The following NOS1AP variants were observed in gnomAD, a reference collection of about 807,000 sequenced individuals.
NOS1AP encodes carboxyl-terminal PDZ ligand of neuronal nitric oxide synthase protein.
Under a neutral mutation model 56.2 loss-of-function variants are expected in NOS1AP, and 21 were observed. The observed-to-expected ratio is 0.37, with a 90% confidence interval of 0.26 to 0.54. NOS1AP has a LOEUF of 0.54. Ranked by LOEUF, NOS1AP falls within the 20% of genes least tolerant of loss-of-function variation. NOS1AP has a pLI of 0.84. For synonymous variants in NOS1AP, 270 were observed against 274.6 expected (o/e 0.98, Z 0.17); for missense variants, 522 against 657.8 (o/e 0.79, Z 2.26).
chr1:162,367,338 G>C lies in NOS1AP; in HGVS notation c.1392G>C (p.Ser464=). The C allele has an allele frequency of 6.2e-7, 1 of 1,613,068 alleles. No individual in the cohort carries two copies. Among genetic ancestry groups the C allele is most frequent in the Non-Finnish European group, 8.5e-7 (1 of 1,179,870 alleles). Residue 464 remains serine, a synonymous_variant, in exon 10 of 10, where the codon TCG becomes TCC. Coordinates refer to ENST00000361897, the MANE Select transcript of NOS1AP (RefSeq NM_014697.3). The surrounding 1 kb of genome is among the most constrained non-coding windows in gnomAD (Gnocchi z 6.5). ...LIKFRESGIA[S]EYESNTDESE... ...AGTTCCGAGAGTCAGGCATCGCCTC[G>C]GAGTACGAGTCCAACACGGACGAGA...
Position 162,154,431 on chromosome 1 carries a change from G to T in NOS1AP, c.132G>T (p.Arg44Ser). The change falls in exon 2 of 10, where the codon AGG becomes AGT. Residue 44 changes from arginine to serine, a missense_variant. Physicochemically the swap from Arg to Ser is moderately radical, Grantham distance 110. Transcript: ENST00000361897. ...AKYVGSLDVPRPNSRVEIVAA... is the reference protein window; with the variant it reads ...AKYVGSLDVPSPNSRVEIVAA... Reference sequence around the variant, plus strand: ...ACGTAGGAAGCCTGGACGTGCCAAGGCCCAACAGCAGGGTGGAGATCGTGG... The same window carrying T: ...ACGTAGGAAGCCTGGACGTGCCAAGTCCCAACAGCAGGGTGGAGATCGTGG... The T allele has an allele frequency of 1.2e-6, 2 of 1,614,112 alleles. No individual in the cohort carries two copies. Among genetic ancestry groups the T allele is most frequent in the Non-Finnish European group, 1.7e-6 (2 of 1,180,000 alleles).
In NOS1AP at chr1:162,318,230, T is replaced by TA. The variant is rs1656293365; in HGVS notation, c.345-14787_345-14786insA. ...GTTTTGCCATCCTAAAAAGAAAAGATGACCCTCAAACCCACCATCCTGTCT... is the reference window on the plus strand; with the variant it reads ...GTTTTGCCATCCTAAAAAGAAAAGATAGACCCTCAAACCCACCATCCTGTCT... On this transcript the variant is annotated intron_variant, in intron 4 of 9. Transcript: ENST00000361897. 1.3e-4 allele frequency among the ~76,000 whole-genome samples: 20 copies of TA among 152,346 alleles called. 2 individuals are homozygous for TA. The South Asian group carries it at 2.1e-3, about 16-fold the overall frequency.
intron 4 of NOS1AP, among the ~76,000 whole-genome samples, chr1:162,322,782 T>C (rs1222583834): frequency 6.6e-6 from 1 of 152,112 alleles, no homozygotes; most frequent in Non-Finnish European, 1.5e-5. Flanking sequence ...ATAAGAGGAA[T>C]AAAAAAATCC....
intron 2 of NOS1AP, among the ~76,000 whole-genome samples, chr1:162,200,631 G>A (rs549920822): frequency 1.2e-4 from 18 of 152,340 alleles, no homozygotes; most frequent in African/African-American, 3.6e-4. Flanking sequence ...TAGGTTCAGA[G>A]TGATATCACC....
chr1:162,137,903 G>T (rs1649070918), intron 1 of NOS1AP, among the ~76,000 whole-genome samples: 1 of 152,106 alleles, frequency 6.6e-6, no homozygotes, highest in Non-Finnish European at 1.5e-5. Context: ...AGCAAGCGGT[G>T]ATTGGCTTGG....
At chr1:162,087,296 A>G (rs988039376) in intron 1 of NOS1AP, among the ~76,000 whole-genome samples, 1 of 152,138 alleles carries the variant, frequency 6.6e-6, no homozygotes, top group African/African-American at 2.4e-5. Context: ...TGTCTGAAGC[A>G]TACACTTGAG....
intron 5 of NOS1AP, chr1:162,338,591 G>A (rs1657011061): frequency 6.6e-6 from 1 of 152,074 alleles, no homozygotes; most frequent in Non-Finnish European, 1.5e-5. Context: ...AAATTTTATA[G>A]GACCAACCAA....
chr1:162,122,913 AATT>A (rs1558109497), intron 1 of NOS1AP, among the ~76,000 whole-genome samples: 2 of 152,078 alleles, frequency 1.3e-5, no homozygotes, highest in Non-Finnish European at 2.9e-5. Context: ...ATGTAAATGT[AATT>A]ATTTGTTTTA....
rs369596203 is a variant in NOS1AP at position 162,369,065 on chromosome 1, GGT to G, written c.*1613_*1614del. ...GGTGTCAGTGGAAATAGGATCAGGT[GGT>G]GTGTGTGTGTGTGTTTTGTGTGTGT... On this transcript the variant is annotated 3_prime_UTR_variant, in exon 10 of 10. Transcript: ENST00000361897. 15 of 151,658 alleles carry G rather than the reference GGT, an allele frequency of 9.9e-5. No individual in the cohort carries two copies. Among genetic ancestry groups the G allele is most frequent in the African/African-American group, 2.9e-4 (12 of 41,352 alleles). The allele number at this position is 151,658 out of a possible 1,614,324, so 9.4% of individuals were successfully genotyped here.
chr1:162,164,957 A>G (rs7547399), intron 2 of NOS1AP, among the ~76,000 whole-genome samples: 6,537 of 152,244 alleles, frequency 0.043, 293 homozygotes, highest in African/African-American at 0.11. Flanking sequence ...ACTGTCACCT[A>G]ATGTTAGTCT....
intron 1 of NOS1AP, among the ~76,000 whole-genome samples, chr1:162,130,282 C>CCA (rs1474031533): frequency 1.3e-5 from 2 of 152,206 alleles, no homozygotes; most frequent in African/African-American, 4.8e-5. Context: ...GATCTCTCAG[C>CCA]CTGTAAGTGG....
intron 2 of NOS1AP, among the ~76,000 whole-genome samples, chr1:162,254,524 G>A (rs1653964156): frequency 6.6e-6 from 1 of 152,218 alleles, no homozygotes; most frequent in Admixed American, 6.5e-5. Context: ...TGGCAAGCTG[G>A]CTCCTCCACC....
chr1:162,235,771 C>T (rs1300346790), intron 2 of NOS1AP, among the ~76,000 whole-genome samples: 3 of 152,214 alleles, frequency 2.0e-5, no homozygotes, highest in African/African-American at 7.2e-5. Context: ...CACATGGGGC[C>T]AGTGTTCAAG....
At chr1:162,334,885 T>C (rs1656888737) in intron 5 of NOS1AP, among the ~76,000 whole-genome samples, 1 of 152,196 alleles carries the variant, frequency 6.6e-6, no homozygotes, top group Non-Finnish European at 1.5e-5. Flanking sequence ...AGGCACTGGC[T>C]AGAATAGAAC....
intron 3 of NOS1AP, among the ~76,000 whole-genome samples, chr1:162,294,482 G>C (rs1334049682): frequency 6.6e-6 from 1 of 152,178 alleles, no homozygotes; most frequent in Non-Finnish European, 1.5e-5. Context: ...ACCTCCCTGT[G>C]ACTGGAGGTC....
At chr1:162,092,960 T>C (rs574441972) in intron 1 of NOS1AP, among the ~76,000 whole-genome samples, 13 of 152,250 alleles carry the variant, frequency 8.5e-5, no homozygotes, top group Non-Finnish European at 1.9e-4. Flanking sequence ...CTATCCTCTA[T>C]TTTCTTTTGC....
chr1:162,255,518 TTTTTTTTG>T (rs1654001735), intron 2 of NOS1AP, among the ~76,000 whole-genome samples: 4 of 94,222 alleles, frequency 4.2e-5, no homozygotes, highest in Admixed American at 1.2e-4. Context: ...TTTTTTTTTT[TTTTTTTTG>T]GTAAGATAGG....
chr1:162,172,573 G>T (rs191504077), intron 2 of NOS1AP, among the ~76,000 whole-genome samples: 18 of 152,268 alleles, frequency 1.2e-4, no homozygotes, highest in Admixed American at 6.5e-5. Context: ...TTGATGAGGC[G>T]GGTGGTTTAA....
chr1:162,071,740 G>A (rs1691663239), intron 1 of NOS1AP, among the ~76,000 whole-genome samples: 1 of 152,126 alleles, frequency 6.6e-6, no homozygotes, highest in Non-Finnish European at 1.5e-5. Context: ...CAGGCCTGTT[G>A]ATTTGGTGAG....
Sources: gnomAD v4.1 joint callset for allele counts (sites outside exome capture counted in the v4.1 genomes callset) on GRCh38, gnomAD v4.1.1 for gene constraint, Gnocchi (gnomAD v3.1) non-coding constraint, MANE v1.5 for transcripts, NCBI Gene and HGNC (gene_info 2026-07-23, HGNC 2026-07-21) for gene names.